WNT2B: variants seen among roughly 807,000 people sequenced by gnomAD.
The protein encoded by WNT2B is Wnt family member 2B.
A neutral mutation model predicts 40.5 loss-of-function variants in WNT2B; 19 were observed. The observed-to-expected ratio is 0.47, with a 90% CI of 0.33 to 0.69. The LOEUF is 0.69. WNT2B is among the 30% of genes least tolerant of loss of function. WNT2B has a pLI of 0.02. For missense variants in WNT2B, 467 were observed against 556.4 expected (o/e 0.84, Z 1.62); for synonymous variants, 220 against 211.9 (o/e 1.04, Z -0.33).
At position 112,498,049 on chromosome 1, in the gene WNT2B, A is replaced by G. The variant is rs572983345; in HGVS notation, c.-94-16825A>G. Among the ~76,000 whole-genome samples the G allele has an allele frequency of 3.3e-5, 5 of 151,752 alleles. No individual in the cohort carries two copies. The East Asian group carries it at 7.8e-4, about 24-fold the overall frequency. On this transcript the variant is annotated intron_variant, in intron 1 of 4. Coordinates refer to the WNT2B transcript ENST00000256640. ...ATTTTAAGCCCCGCATGCATTAGATATTTGTCCTAACGATCTCTGTCCCCT... is the reference window on the plus strand; with the variant it reads ...ATTTTAAGCCCCGCATGCATTAGATGTTTGTCCTAACGATCTCTGTCCCCT...
intron 1 of WNT2B, among the ~76,000 whole-genome samples, chr1:112,481,816 C>T (rs1557908832): frequency 6.6e-6 from 1 of 152,162 alleles, no homozygotes; most frequent in East Asian, 1.9e-4. Flanking sequence ...TCAAGACCAG[C>T]CTGGGCAACA....
chr1:112,471,507 A>G (rs1650879627), intron 1 of WNT2B, among the ~76,000 whole-genome samples: 1 of 152,202 alleles, frequency 6.6e-6, no homozygotes, highest in Admixed American at 6.5e-5. Flanking sequence ...TTCCTTCTTT[A>G]AAGAGTGAGT....
chr1:112,512,818 G>A (rs912060957), intron 1 of WNT2B, among the ~76,000 whole-genome samples: 1 of 152,154 alleles, frequency 6.6e-6, no homozygotes, highest in East Asian at 1.9e-4. Flanking sequence ...AACTACAAGG[G>A]GCTGACTACT....
At chr1:112,516,969 T>G (rs1370172154) in intron 3 of WNT2B, 152 bp from the exon 4 acceptor site, 16 of 976,050 alleles carry the variant, frequency 1.6e-5, no homozygotes, top group Non-Finnish European at 2.4e-5. Context: ...GAAGAATGGG[T>G]GGGATCTGAT....
At chr1:112,491,298 C>T (rs969821049) in intron 1 of WNT2B, among the ~76,000 whole-genome samples, 15 of 152,072 alleles carry the variant, frequency 9.9e-5, no homozygotes, top group African/African-American at 3.6e-4. Flanking sequence ...ATCCCAGCTA[C>T]TGGGAGACTG....
chr1:112,468,034 C>G (rs1650757365), intron 1 of WNT2B, among the ~76,000 whole-genome samples: 1 of 152,154 alleles, frequency 6.6e-6, no homozygotes, highest in Admixed American at 6.5e-5. Context: ...TTTTTTAGCT[C>G]CCACATATGA....
In WNT2B at chr1:112,497,694, A is replaced by G. The variant is rs531215326; in HGVS notation, c.-94-17180A>G. ...CCTTACCAAACAGTCACTTGGCCAC[A>G]CCTTTGGTTTTCTCTCTAAACATGC... On this transcript the variant is annotated intron_variant, in intron 1 of 4. Coordinates refer to the WNT2B transcript ENST00000256640. Among the ~76,000 whole-genome samples the G allele has an allele frequency of 6.6e-5, 10 of 152,210 alleles. No individual in the cohort carries two copies. The East Asian group carries it at 1.9e-3, about 29-fold the overall frequency.
At chr1:112,491,042 G>A (rs768337962) in intron 1 of WNT2B, 7 of 1,614,038 alleles carry the variant, frequency 4.3e-6, no homozygotes, top group South Asian at 1.1e-5. Context: ...GCAGTACCTG[G>A]CATACCTACA....
At chr1:112,503,514 G>A (rs1208109043) in intron 1 of WNT2B, among the ~76,000 whole-genome samples, 1 of 152,088 alleles carries the variant, frequency 6.6e-6, no homozygotes, top group Non-Finnish European at 1.5e-5. Flanking sequence ...TACACACCAA[G>A]GAAAATAGAG....
At chr1:112,471,141 G>C (rs997142906) in intron 1 of WNT2B, among the ~76,000 whole-genome samples, 1 of 152,218 alleles carries the variant, frequency 6.6e-6, no homozygotes, top group African/African-American at 2.4e-5. Context: ...ATGCAGTCCA[G>C]TGGTGGCTGT....
intron 1 of WNT2B, among the ~76,000 whole-genome samples, chr1:112,473,139 G>GAAGA (rs1553229402): frequency 5.0e-5 from 7 of 140,446 alleles, no homozygotes; most frequent in Non-Finnish European, 1.1e-4. Context: ...GAGAAAGAAA[G>GAAGA]AAGAAGGAAG....
chr1:112,490,886 G>T, intron 1 of WNT2B: 1 of 933,896 alleles, frequency 1.1e-6, no homozygotes, highest in Non-Finnish European at 1.6e-6. Flanking sequence ...TACCTCTTCC[G>T]GAAAGATCCC....
At position 112,498,075 on chromosome 1, in the gene WNT2B, T is replaced by C. The variant is rs902071212; in HGVS notation, c.-94-16799T>C. Among the ~76,000 whole-genome samples the C allele has an allele frequency of 8.6e-5, 13 of 151,896 alleles. 1 individual carries two copies. Among genetic ancestry groups the C allele is most frequent in the African/African-American group, 2.9e-4 (12 of 41,344 alleles). ...TTTGTCCTAACGATCTCTGTCCCCT[T>C]TCCCCCCCAACCCCCGATAGGCCCC... On this transcript the variant is annotated intron_variant, in intron 1 of 4. Coordinates refer to the WNT2B transcript ENST00000256640.
At position 112,509,502 on chromosome 1, in the gene WNT2B, C is replaced by T; in HGVS notation, c.182+58C>T. 2 of 1,503,038 alleles carry T rather than the reference C, an allele frequency of 1.3e-6. No homozygotes were observed. The highest frequency in any genetic ancestry group is 1.8e-6 in the Non-Finnish European group (2 of 1,142,772). 93.1% of individuals were successfully genotyped at this position (1,503,038 alleles called of 1,614,324 possible). Reference sequence around the variant, plus strand: ...CGCTTGGTAGGAGAGGCCGGAGGCGCCTGGAGGGACTGGCTGCTCACGGGA... The same window carrying T: ...CGCTTGGTAGGAGAGGCCGGAGGCGTCTGGAGGGACTGGCTGCTCACGGGA... On this transcript the variant is annotated intron_variant, in intron 1 of 4. Transcript: ENST00000369684. This position sits in a 1 kb window ranked among gnomAD's most constrained non-coding sequence, Gnocchi z 4.2.
At chr1:112,475,657 T>C (rs1312355022) in intron 1 of WNT2B, among the ~76,000 whole-genome samples, 3 of 151,650 alleles carry the variant, frequency 2.0e-5, no homozygotes, top group African/African-American at 4.9e-5. Context: ...GTTAAAGATG[T>C]ACACAATGAG....
chr1:112,480,382 A>G (rs968861993), intron 1 of WNT2B, among the ~76,000 whole-genome samples: 7 of 147,614 alleles, frequency 4.7e-5, no homozygotes, highest in Non-Finnish European at 7.4e-5. Flanking sequence ...AAAAAAAAAA[A>G]AGAGAAGACA....
intron 1 of WNT2B, among the ~76,000 whole-genome samples, chr1:112,485,573 CA>C (rs1287968064): frequency 2.0e-5 from 3 of 152,092 alleles, no homozygotes; most frequent in Non-Finnish European, 4.4e-5. Context: ...AACAGTCTCT[CA>C]AATATGTGCT....
intron 1 of WNT2B, among the ~76,000 whole-genome samples, chr1:112,493,018 A>G (rs970522513): frequency 7.2e-5 from 11 of 152,250 alleles, no homozygotes; most frequent in Non-Finnish European, 1.5e-4. Flanking sequence ...CAAAATGCAA[A>G]GAAGACAGTT....
chr1:112,515,194 C>A lies in WNT2B; in HGVS notation c.403+100C>A. ...GATCTCCCCTCTCCTCTCCCACACA[C>A]TGTTTCATCATCAGAGAAAGAACTG... is the stretch of plus-strand genomic sequence containing the variant. On this transcript the variant is annotated intron_variant, in intron 2 of 4. Transcript: ENST00000369684. This position sits in a 1 kb window ranked among gnomAD's most constrained non-coding sequence, Gnocchi z 4.4. 1.5e-6 allele frequency: 2 copies of A among 1,330,332 alleles called. No individual in the cohort carries two copies. The highest frequency in any genetic ancestry group is 1.0e-6 in the Non-Finnish European group (1 of 960,038). 82.4% of individuals were successfully genotyped at this position (1,330,332 alleles called of 1,614,324 possible).
Sources: allele counts gnomAD v4.1 joint callset (sites outside exome capture counted in the v4.1 genomes callset), GRCh38; gene constraint gnomAD v4.1.1; non-coding constraint Gnocchi (gnomAD v3.1); transcripts MANE v1.5; gene names NCBI Gene and HGNC (gene_info 2026-07-23, HGNC 2026-07-21).